Variants in UBE2E2 observed in about 807,000 individuals in gnomAD.
UBE2E2 encodes ubiquitin-conjugating enzyme E2 E2.
Under a neutral mutation model 24.7 loss-of-function variants are expected in UBE2E2, and 6 were observed. That is an observed-to-expected ratio of 0.24 (90% CI 0.13 to 0.48). The LOEUF (loss-of-function observed/expected upper bound fraction) is 0.48, where lower values mean the gene tolerates loss of function less well. Ranked by LOEUF, UBE2E2 falls within the 20% of genes least tolerant of loss-of-function variation. The pLI is 0.99. For missense variants in UBE2E2, 169 were observed against 245.0 expected (o/e 0.69, Z 2.07); for synonymous variants, 104 against 83.6 (o/e 1.24, Z -1.33).
intron 4 of UBE2E2, among the ~76,000 whole-genome samples, chr3:23,524,189 A>G (rs1694935152): frequency 6.6e-6 from 1 of 152,162 alleles, no homozygotes; most frequent in Non-Finnish European, 1.5e-5. Flanking sequence ...TTTCTAAATT[A>G]TGTTTAGAAT....
chr3:23,351,321 C>G (rs533151994), intron 3 of UBE2E2, among the ~76,000 whole-genome samples: 572 of 151,934 alleles, frequency 3.8e-3, no homozygotes, highest in Non-Finnish European at 5.4e-3. Context: ...GGAAGAAACT[C>G]CATCAACTAA....
chr3:23,348,332 A>G (rs1268474498), intron 3 of UBE2E2, among the ~76,000 whole-genome samples: 1 of 139,578 alleles, frequency 7.2e-6, no homozygotes, highest in African/African-American at 2.6e-5. Flanking sequence ...GAATAAAATG[A>G]GCCTGTGCTG....
chr3:23,445,422 T>C (rs991826042), intron 3 of UBE2E2, among the ~76,000 whole-genome samples: 1 of 152,288 alleles, frequency 6.6e-6, no homozygotes, highest in South Asian at 2.1e-4. Context: ...CCAGACACCA[T>C]TTACCACTGC....
At chr3:23,581,886 C>T (rs1050657473) in intron 5 of UBE2E2, among the ~76,000 whole-genome samples, 2 of 152,184 alleles carry the variant, frequency 1.3e-5, no homozygotes, top group African/African-American at 2.4e-5. Context: ...TTCCTCTTAC[C>T]ACTTAGCTGC....
intron 3 of UBE2E2, among the ~76,000 whole-genome samples, chr3:23,337,016 G>A (rs949329491): frequency 3.3e-5 from 5 of 151,940 alleles, no homozygotes; most frequent in Non-Finnish European, 5.9e-5. Context: ...GCACATGCCT[G>A]TTGTCCCAGC....
At chr3:23,466,999 T>A (rs1338275677) in intron 3 of UBE2E2, among the ~76,000 whole-genome samples, 1 of 152,226 alleles carries the variant, frequency 6.6e-6, no homozygotes, top group Non-Finnish European at 1.5e-5. Flanking sequence ...ACAATTATTT[T>A]TCTTGGTAGT....
chr3:23,502,462 T>C (rs1295511845), intron 4 of UBE2E2, among the ~76,000 whole-genome samples: 1 of 152,196 alleles, frequency 6.6e-6, no homozygotes, highest in Non-Finnish European at 1.5e-5. Context: ...CAAATTATCA[T>C]AAATAGAACC....
At chr3:23,549,430 G>A (rs976198206) in intron 5 of UBE2E2, among the ~76,000 whole-genome samples, 16 of 152,172 alleles carry the variant, frequency 1.1e-4, no homozygotes, top group African/African-American at 3.9e-4. Context: ...GTTATACCTT[G>A]CCATGTTAAA....
chr3:23,206,052 T>C (rs1008834376), intron 1 of UBE2E2, among the ~76,000 whole-genome samples: 39 of 152,236 alleles, frequency 2.6e-4, no homozygotes, highest in Non-Finnish European at 3.2e-4. Flanking sequence ...GTATAGAGAA[T>C]ATTATTTCAT....
intron 3 of UBE2E2, among the ~76,000 whole-genome samples, chr3:23,350,805 A>G (rs1417348341): frequency 6.6e-6 from 1 of 151,998 alleles, no homozygotes; most frequent in Non-Finnish European, 1.5e-5. Context: ...AAGTGGGAAA[A>G]CACTCTACAG....
intron 3 of UBE2E2, among the ~76,000 whole-genome samples, chr3:23,361,318 C>T (rs1463328579): frequency 6.6e-6 from 1 of 152,100 alleles, no homozygotes; most frequent in Non-Finnish European, 1.5e-5. Context: ...CCAGCAGTTC[C>T]ATTACTGGGT....
intron 3 of UBE2E2, among the ~76,000 whole-genome samples, chr3:23,385,967 ACAAAC>A (rs1696796050): frequency 6.6e-6 from 1 of 152,208 alleles, no homozygotes; most frequent in Non-Finnish European, 1.5e-5. Flanking sequence ...GGAAAGTAAA[ACAAAC>A]TAAATTTTTT....
chr3:23,434,769 A>T (rs770738968), intron 3 of UBE2E2, among the ~76,000 whole-genome samples: 6 of 152,188 alleles, frequency 3.9e-5, no homozygotes, highest in Non-Finnish European at 7.4e-5. Flanking sequence ...AAAACTGAAG[A>T]AAAGGAAATT....
intron 3 of UBE2E2, among the ~76,000 whole-genome samples, chr3:23,390,629 G>C (rs1426677552): frequency 6.6e-6 from 1 of 152,242 alleles, no homozygotes; most frequent in Non-Finnish European, 1.5e-5. Flanking sequence ...GCTGTCTGCA[G>C]ATGGCAGCTG....
chr3:23,402,528 A>T (rs1485816403), intron 3 of UBE2E2, among the ~76,000 whole-genome samples: 2 of 152,166 alleles, frequency 1.3e-5, no homozygotes, highest in Admixed American at 6.5e-5. Flanking sequence ...AATTCAGCTG[A>T]TATTTAGTTG....
At chr3:23,271,467 A>C (rs958902606) in intron 3 of UBE2E2, among the ~76,000 whole-genome samples, 1 of 152,144 alleles carries the variant, frequency 6.6e-6, no homozygotes, top group African/African-American at 2.4e-5. Flanking sequence ...AGGGGACCCG[A>C]GTGGGTTGCT....
At chr3:23,234,723 G>A (rs561977279) in intron 3 of UBE2E2, among the ~76,000 whole-genome samples, 2 of 152,256 alleles carry the variant, frequency 1.3e-5, no homozygotes, top group Admixed American at 1.3e-4. Context: ...CTCTTTCTAA[G>A]TGTTTATTAG....
chr3:23,567,965 A>G (rs973764083), intron 5 of UBE2E2, among the ~76,000 whole-genome samples: 1 of 152,186 alleles, frequency 6.6e-6, no homozygotes, highest in African/African-American at 2.4e-5. Flanking sequence ...CAGAAGATTC[A>G]TATAACACCC....
At chr3:23,482,017 C>G (rs1482406916) in intron 3 of UBE2E2, among the ~76,000 whole-genome samples, 1 of 152,186 alleles carries the variant, frequency 6.6e-6, no homozygotes, top group Non-Finnish European at 1.5e-5. Context: ...TGCTAGAAGT[C>G]ACTTCTATAA....
Sources: allele counts gnomAD v4.1 joint callset (sites outside exome capture counted in the v4.1 genomes callset), GRCh38; gene constraint gnomAD v4.1.1; transcripts MANE v1.5; gene names NCBI Gene and HGNC (gene_info 2026-07-23, HGNC 2026-07-21).